Variants in STPG2 observed in about 807,000 individuals in gnomAD.
STPG2 encodes the protein sperm tail PG-rich repeat containing 2, also known as sperm-tail PG-rich repeat-containing protein 2.
STPG2 carries 56 observed loss-of-function variants against 54.2 expected under a neutral mutation model. The ratio of observed to expected loss-of-function variants is 1.03; its 90% CI spans 0.83 to 1.29. The LOEUF is 1.29. Among genes scored for constraint, STPG2 ranks in the 50% most tolerant of loss-of-function variants. STPG2 has a pLI of 0.00. For synonymous variants in STPG2, 200 were observed against 181.8 expected (o/e 1.10, Z -0.81); for missense variants, 596 against 544.9 (o/e 1.09, Z -0.93).
At chr4:97,476,933 A>T (rs1578328494) in intron 4 of STPG2, among the ~76,000 whole-genome samples, 1 of 152,222 alleles carries the variant, frequency 6.6e-6, no homozygotes, top group East Asian at 1.9e-4. Context: ...GACATCTTCA[A>T]ATGGATATAT....
At chr4:98,054,207 T>A (rs1287748148) in intron 5 of STPG2, among the ~76,000 whole-genome samples, 1 of 152,142 alleles carries the variant, frequency 6.6e-6, no homozygotes, top group Non-Finnish European at 1.5e-5. Flanking sequence ...ATAACTTTCA[T>A]GCAAAACAGC....
At chr4:97,666,824 C>T (rs983332804) in intron 10 of STPG2, among the ~76,000 whole-genome samples, 5 of 152,174 alleles carry the variant, frequency 3.3e-5, no homozygotes, top group African/African-American at 1.2e-4. Flanking sequence ...GGGATTCTAA[C>T]TCAAGACTAT....
chr4:97,713,351 C>T (rs1396528784), intron 9 of STPG2, among the ~76,000 whole-genome samples: 5 of 152,128 alleles, frequency 3.3e-5, no homozygotes, highest in Non-Finnish European at 7.4e-5. Context: ...CAATGGGTTC[C>T]AACTTGTATT....
At chr4:98,101,078 T>C (rs10022389) in intron 5 of STPG2, among the ~76,000 whole-genome samples, 60,114 of 151,962 alleles carry the variant, frequency 0.4, 12,126 homozygotes, top group Middle Eastern at 0.46. Context: ...ACCCCTGGGA[T>C]CCCACATTAA....
chr4:97,838,605 T>G (rs2149119502), intron 9 of STPG2, among the ~76,000 whole-genome samples: 1 of 151,618 alleles, frequency 6.6e-6, no homozygotes, highest in African/African-American at 2.4e-5. Flanking sequence ...AATCTTGTCC[T>G]TGATTAGATC....
chr4:97,704,729 C>T (rs1165314356), intron 10 of STPG2, among the ~76,000 whole-genome samples: 1 of 152,100 alleles, frequency 6.6e-6, no homozygotes, highest in Non-Finnish European at 1.5e-5. Flanking sequence ...AAAATACTGT[C>T]CCACAAATAT....
intron 8 of STPG2, among the ~76,000 whole-genome samples, chr4:97,915,177 T>A (rs1434026255): frequency 1.3e-5 from 2 of 152,148 alleles, no homozygotes; most frequent in Admixed American, 6.5e-5. Context: ...TAACTCACTA[T>A]GGGAAGTACT....
intron 3 of STPG2, among the ~76,000 whole-genome samples, chr4:98,111,097 G>T (rs1251491198): frequency 6.6e-6 from 1 of 151,898 alleles, no homozygotes; most frequent in African/African-American, 2.4e-5. Context: ...CATTACATAT[G>T]AAAAGAGTCT....
intron 8 of STPG2, among the ~76,000 whole-genome samples, chr4:97,890,238 G>C (rs929595464): frequency 7.2e-5 from 11 of 152,042 alleles, no homozygotes; most frequent in African/African-American, 2.4e-5. Context: ...CACTAGGAGA[G>C]AGATTGATGG....
chr4:98,022,522 C>G (rs1362433941), intron 5 of STPG2, among the ~76,000 whole-genome samples: 50 of 151,528 alleles, frequency 3.3e-4, no homozygotes, highest in African/African-American at 1.2e-3. Flanking sequence ...CGAGGAGTAT[C>G]TTTGTGGCGT....
intron 5 of STPG2, among the ~76,000 whole-genome samples, chr4:98,087,240 CAACAA>C (rs940648251): frequency 2.7e-4 from 15 of 55,844 alleles, no homozygotes; most frequent in East Asian, 1.1e-3. Context: ...TAAATTTGAA[CAACAA>C]GAGAGTTCTG....
chr4:97,736,181 A>G (rs1353038003), intron 9 of STPG2, among the ~76,000 whole-genome samples: 4 of 152,192 alleles, frequency 2.6e-5, no homozygotes, highest in Admixed American at 2.6e-4. Context: ...AGCAATTCCT[A>G]TTCTGAATAT....
At chr4:97,486,543 A>G (rs1469405029) in intron 4 of STPG2, among the ~76,000 whole-genome samples, 1 of 151,796 alleles carries the variant, frequency 6.6e-6, no homozygotes, top group African/African-American at 2.4e-5. Context: ...TGCAGTGAAC[A>G]GGGAACACTT....
At chr4:97,867,989 A>T (rs1300833877) in intron 8 of STPG2, among the ~76,000 whole-genome samples, 1 of 152,002 alleles carries the variant, frequency 6.6e-6, no homozygotes. Flanking sequence ...TTTATTTTTT[A>T]AAAGAAAGAG....
chr4:98,018,873 T>G (rs1432878900), intron 5 of STPG2, among the ~76,000 whole-genome samples: 7 of 152,134 alleles, frequency 4.6e-5, no homozygotes, highest in South Asian at 2.1e-4. Context: ...TTGTTTGTTT[T>G]TTTTTTGTAA....
At chr4:97,972,475 G>A (rs1165661286) in intron 6 of STPG2, 35 bp from the exon 7 acceptor site, 9 of 1,298,580 alleles carry the variant, frequency 6.9e-6, no homozygotes, top group Admixed American at 2.7e-5. Flanking sequence ...ATAAGAATAA[G>A]CATGCTTTTA....
chr4:98,138,498 A>G (rs926140797), intron 1 of STPG2, among the ~76,000 whole-genome samples: 4 of 152,112 alleles, frequency 2.6e-5, no homozygotes, highest in Admixed American at 1.3e-4. Context: ...GGTGGGCAGT[A>G]TGTGATTAAA....
chr4:97,942,309 TAA>T (rs1733018088), intron 8 of STPG2, among the ~76,000 whole-genome samples: 1 of 151,990 alleles, frequency 6.6e-6, no homozygotes, highest in African/African-American at 2.4e-5. Flanking sequence ...ATATTAGTAA[TAA>T]ATTAGTCATG....
chr4:98,025,854 A>G, intron 5 of STPG2: 10 of 1,598,128 alleles, frequency 6.3e-6, no homozygotes, highest in Non-Finnish European at 8.5e-6. Context: ...ACCACTGGCA[A>G]TAAAGTTTTT....
Sources: allele counts gnomAD v4.1 joint callset (sites outside exome capture counted in the v4.1 genomes callset), GRCh38; gene constraint gnomAD v4.1.1; transcripts MANE v1.5; gene names NCBI Gene and HGNC (gene_info 2026-07-23, HGNC 2026-07-21).